PTPRD: variants seen among roughly 807,000 people sequenced by gnomAD.
The protein encoded by PTPRD is protein tyrosine phosphatase receptor type D.
In PTPRD, 34 loss-of-function variants were observed where a neutral mutation model predicts 214.5. That is an observed-to-expected ratio of 0.16 (90% CI 0.12 to 0.21). PTPRD has a LOEUF of 0.21. Ranked by LOEUF, PTPRD falls within the 10% of genes least tolerant of loss-of-function variation. The probability of loss-of-function intolerance (pLI) is 1.00; values close to 1 mark genes in which losing one functional copy is unlikely to be tolerated. For missense variants in PTPRD, 2,545 were observed against 2,398.7 expected, an observed-to-expected ratio of 1.06 and a Z score of -1.27; for synonymous variants, 1,128 against 845.7, an observed-to-expected ratio of 1.33 and a Z score of -5.79.
chr9:10,523,222 G>T lies in PTPRD; in HGVS notation c.-600+89176C>A, dbSNP rs531389832. Among the ~76,000 whole-genome samples the T allele has an allele frequency of 2.1e-4, 32 of 152,092 alleles. No individual in the cohort carries two copies. In the South Asian group the frequency reaches 6.6e-3, roughly 32 times the overall value. Reference sequence around the variant, plus strand: ...GATGTTTTAATTTAAGGCAGAGTGTGCCTAGATTGCAAAATCCTATATGAA... The same window carrying T: ...GATGTTTTAATTTAAGGCAGAGTGTTCCTAGATTGCAAAATCCTATATGAA... On this transcript the variant is annotated intron_variant, in intron 2 of 45. Transcript: ENST00000381196.
At chr9:8,588,303 G>C (rs1244690953) in intron 14 of PTPRD, among the ~76,000 whole-genome samples, 1 of 152,098 alleles carries the variant, frequency 6.6e-6, no homozygotes, top group Non-Finnish European at 1.5e-5. Context: ...ACAAAAATAA[G>C]AAGCCAGCTG....
intron 39 of PTPRD, among the ~76,000 whole-genome samples, chr9:8,351,974 A>G (rs2075619956): frequency 6.6e-6 from 1 of 151,898 alleles, no homozygotes. Context: ...CTACCAGGTT[A>G]TATCCCTTTG....
At chr9:10,574,825 T>TA (rs2068667634) in intron 2 of PTPRD, among the ~76,000 whole-genome samples, 1 of 139,582 alleles carries the variant, frequency 7.2e-6, no homozygotes, top group Non-Finnish European at 1.6e-5. Context: ...TATATATATA[T>TA]ATATATATCT....
Position 8,689,236 on chromosome 9 carries a change from G to C in PTPRD, c.64+44544C>G, listed in dbSNP as rs80149088. 7.7e-3 allele frequency among the ~76,000 whole-genome samples: 1,171 copies of C among 152,268 alleles called. 8 individuals carry two copies. The highest frequency in any genetic ancestry group is 0.026 in the African/African-American group (1,095 of 41,554). On this transcript the variant is annotated intron_variant, in intron 12 of 45. Transcript: ENST00000381196. ...AAAAAATAAAAATAAAAAATAAACT[G>C]TGTGGATAGAAAGATGAAAACAAAA...
chr9:10,185,049 A>G (rs1403421594), intron 3 of PTPRD, among the ~76,000 whole-genome samples: 3 of 152,200 alleles, frequency 2.0e-5, no homozygotes, highest in Non-Finnish European at 4.4e-5. Flanking sequence ...ATGCAGTATA[A>G]ACAAACAACA....
In PTPRD at chr9:8,636,857, A is replaced by C. The variant is rs1206573834; in HGVS notation, c.65-13T>G. ...AACCTTGGAGGTGCTGAAATAAAAAATAAACATCACAGTTAAATTGAAAAC... is the reference window on the plus strand; with the variant it reads ...AACCTTGGAGGTGCTGAAATAAAAACTAAACATCACAGTTAAATTGAAAAC... On this transcript the variant is annotated splice_polypyrimidine_tract_variant and intron_variant, in intron 12 of 45. Coordinates refer to ENST00000381196, the MANE Select transcript of PTPRD (RefSeq NM_002839.4). 1 of 1,610,014 alleles carries C rather than the reference A, an allele frequency of 6.2e-7. No homozygotes were observed. Among genetic ancestry groups the C allele is most frequent in the Non-Finnish European group, 8.5e-7 (1 of 1,176,766 alleles).
At chr9:9,426,159 C>T (rs140677618) in intron 8 of PTPRD, among the ~76,000 whole-genome samples, 6,185 of 152,234 alleles carry the variant, frequency 0.041, 284 homozygotes, top group African/African-American at 0.12. Flanking sequence ...CTTTCCTAGC[C>T]AAGGGAAGCC....
chr9:9,180,339 T>C (rs565694874), intron 10 of PTPRD, among the ~76,000 whole-genome samples: 1 of 151,030 alleles, frequency 6.6e-6, no homozygotes, highest in African/African-American at 2.4e-5. Flanking sequence ...CAGCAAACTA[T>C]CGCAAGGACA....
chr9:8,523,570 A>C, intron 18 of PTPRD, 46 bp from the exon 19 acceptor site: 1 of 1,609,368 alleles, frequency 6.2e-7, no homozygotes, highest in Non-Finnish European at 8.5e-7. Flanking sequence ...GAAATGAGGA[A>C]AGGAGAAAAA....
At chr9:8,961,432 T>C (rs2099158205) in intron 11 of PTPRD, among the ~76,000 whole-genome samples, 1 of 152,130 alleles carries the variant, frequency 6.6e-6, no homozygotes, top group Admixed American at 6.6e-5. Flanking sequence ...GGAATACTCC[T>C]CCCATTTGGC....
intron 9 of PTPRD, among the ~76,000 whole-genome samples, chr9:9,266,480 A>G (rs766634492): frequency 1.3e-5 from 2 of 151,456 alleles, no homozygotes; most frequent in Non-Finnish European, 3.0e-5. Flanking sequence ...ACATTCTCCA[A>G]GATAGAACAT....
intron 10 of PTPRD, among the ~76,000 whole-genome samples, chr9:9,177,651 G>A (rs535488137): frequency 2.7e-4 from 41 of 151,860 alleles, no homozygotes; most frequent in African/African-American, 9.2e-4. Flanking sequence ...ATTATGGTGA[G>A]CAAAAAAAAT....
intron 3 of PTPRD, among the ~76,000 whole-genome samples, chr9:10,049,406 AAAAAG>A (rs934266939): frequency 1.4e-4 from 15 of 109,090 alleles, no homozygotes; most frequent in South Asian, 6.4e-4. Context: ...GTTAAAAAAA[AAAAAG>A]AAAGAAAGAA....
intron 3 of PTPRD, among the ~76,000 whole-genome samples, chr9:10,147,263 T>A (rs550594083): frequency 2.5e-4 from 35 of 137,434 alleles, no homozygotes; most frequent in Middle Eastern, 8.0e-3. Flanking sequence ...AACATATAGT[T>A]CTTTTTTTTT....
chr9:9,123,495 C>G (rs1013175112), intron 10 of PTPRD, among the ~76,000 whole-genome samples: 1 of 152,136 alleles, frequency 6.6e-6, no homozygotes, highest in African/African-American at 2.4e-5. Context: ...AAAGAGAATA[C>G]AGAACTCTGC....
intron 5 of PTPRD, among the ~76,000 whole-genome samples, chr9:9,828,828 C>T (rs1222765617): frequency 6.6e-6 from 1 of 151,604 alleles, no homozygotes; most frequent in Non-Finnish European, 1.5e-5. Flanking sequence ...AAAAGCATTT[C>T]ATGCTAGAAA....
chr9:9,567,533 T>C (rs1295392627), intron 8 of PTPRD, among the ~76,000 whole-genome samples: 1 of 152,050 alleles, frequency 6.6e-6, no homozygotes, highest in African/African-American at 2.4e-5. Flanking sequence ...TGATTATCCC[T>C]GGGGACTTCA....
At chr9:10,471,245 T>A (rs749539172) in intron 2 of PTPRD, among the ~76,000 whole-genome samples, 1 of 152,048 alleles carries the variant, frequency 6.6e-6, no homozygotes, top group Admixed American at 6.6e-5. Flanking sequence ...TGTATACCTA[T>A]GTAATTAACC....
intron 11 of PTPRD, among the ~76,000 whole-genome samples, chr9:8,811,347 C>T (rs2096798813): frequency 6.6e-6 from 1 of 151,998 alleles, no homozygotes; most frequent in African/African-American, 2.4e-5. Flanking sequence ...CCATTGACCC[C>T]CCTAGGCTAT....
Sources: gnomAD v4.1 joint callset for allele counts (sites outside exome capture counted in the v4.1 genomes callset) on GRCh38, gnomAD v4.1.1 for gene constraint, MANE v1.5 for transcripts, NCBI Gene and HGNC (gene_info 2026-07-23, HGNC 2026-07-21) for gene names.